ZNF804B: variants seen among roughly 807,000 people sequenced by gnomAD.
ZNF804B encodes zinc finger 804B.
In ZNF804B, 80 loss-of-function variants were observed where a neutral mutation model predicts 101.4. The observed-to-expected ratio is 0.79, with a 90% CI of 0.66 to 0.95. The LOEUF (loss-of-function observed/expected upper bound fraction) is 0.95. Among genes scored for constraint, ZNF804B ranks in the 40% least tolerant of loss-of-function variants. ZNF804B has a pLI of 0.00. For synonymous variants in ZNF804B, 622 were observed against 558.8 expected (o/e 1.11, Z -1.59); for missense variants, 1,673 against 1,561.9 (o/e 1.07, Z -1.20).
chr7:89,291,531 A>G (rs997024648), intron 2 of ZNF804B, among the ~76,000 whole-genome samples: 1 of 152,184 alleles, frequency 6.6e-6, no homozygotes, highest in Non-Finnish European at 1.5e-5. Flanking sequence ...TTGATCAAAC[A>G]GAAGAAAGAA....
Position 89,337,594 on chromosome 7 carries a change from A to G in ZNF804B, c.*562A>G, listed in dbSNP as rs555825340. On this transcript the variant is annotated 3_prime_UTR_variant, in exon 4 of 4. Coordinates refer to ENST00000333190, the MANE Select transcript of ZNF804B (RefSeq NM_181646.5). ...CTGATTAATTTAGGTTGAAAATTAC[A>G]TTTTAATGAAAAACAATCTTTATAG... 6.6e-6 allele frequency among the ~76,000 whole-genome samples: 1 copy of G among 152,292 alleles called. No homozygotes were observed. The highest frequency in any genetic ancestry group is 2.4e-5 in the African/African-American group (1 of 41,588).
chr7:89,033,763 C>T (rs1554357453), intron 1 of ZNF804B, among the ~76,000 whole-genome samples: 1 of 151,578 alleles, frequency 6.6e-6, no homozygotes, highest in Non-Finnish European at 1.5e-5. Context: ...GTTCTAAAAA[C>T]TAATTAGGGT....
chr7:89,242,727 T>C (rs766650211), intron 2 of ZNF804B, among the ~76,000 whole-genome samples: 1 of 151,926 alleles, frequency 6.6e-6, no homozygotes, highest in Non-Finnish European at 1.5e-5. Context: ...GCATACTTTT[T>C]CCAAAGCATA....
intron 1 of ZNF804B, among the ~76,000 whole-genome samples, chr7:89,020,508 T>C (rs1788650119): frequency 6.6e-6 from 1 of 152,182 alleles, no homozygotes; most frequent in South Asian, 2.1e-4. Flanking sequence ...TATCTTTGAC[T>C]TCTGTCAATT....
intron 2 of ZNF804B, among the ~76,000 whole-genome samples, chr7:89,326,544 A>G (rs913136321): frequency 4.6e-5 from 7 of 152,088 alleles, no homozygotes; most frequent in Admixed American, 2.6e-4. Flanking sequence ...AGTTAAGAGG[A>G]TAATCTTTAA....
At chr7:88,921,350 A>G (rs961227801) in intron 1 of ZNF804B, among the ~76,000 whole-genome samples, 3 of 152,136 alleles carry the variant, frequency 2.0e-5, no homozygotes, top group African/African-American at 7.2e-5. Flanking sequence ...CTGGGACTCC[A>G]AAAGGAGCTC....
intron 1 of ZNF804B, among the ~76,000 whole-genome samples, chr7:89,139,260 A>G (rs942493366): frequency 6.6e-6 from 1 of 152,154 alleles, no homozygotes; most frequent in African/African-American, 2.4e-5. Context: ...TTATATCAGC[A>G]TTCAGTAAGT....
At chr7:89,119,911 T>G (rs183600133) in intron 1 of ZNF804B, among the ~76,000 whole-genome samples, 1 of 152,226 alleles carries the variant, frequency 6.6e-6, no homozygotes, top group African/African-American at 2.4e-5. Context: ...ATAGCAAGGT[T>G]TATTCCCAAG....
intron 2 of ZNF804B, among the ~76,000 whole-genome samples, chr7:89,297,998 T>C (rs1562940038): frequency 6.7e-6 from 1 of 148,192 alleles, no homozygotes; most frequent in Admixed American, 6.9e-5. Flanking sequence ...TTTTTTTTTT[T>C]AGTTCCTCTA....
At chr7:88,976,835 A>G (rs1046398017) in intron 1 of ZNF804B, among the ~76,000 whole-genome samples, 1 of 151,676 alleles carries the variant, frequency 6.6e-6, no homozygotes, top group African/African-American at 2.4e-5. Flanking sequence ...AAAAGCTTTC[A>G]GGTTTTTCCC....
At chr7:89,011,864 T>C (rs960999300) in intron 1 of ZNF804B, among the ~76,000 whole-genome samples, 3 of 152,136 alleles carry the variant, frequency 2.0e-5, no homozygotes, top group African/African-American at 7.2e-5. Context: ...ATCTGGATTA[T>C]GGTGGGCCTC....
chr7:89,284,823 G>T (rs529272901), intron 2 of ZNF804B, among the ~76,000 whole-genome samples: 250 of 151,746 alleles, frequency 1.6e-3, no homozygotes, highest in South Asian at 8.3e-3. Context: ...AAACATTTTT[G>T]ATTAAAAAAA....
chr7:89,016,082 A>G (rs370421639), intron 1 of ZNF804B, among the ~76,000 whole-genome samples: 113 of 152,226 alleles, frequency 7.4e-4, no homozygotes, highest in East Asian at 2.9e-3. Flanking sequence ...TTTCTCTGAT[A>G]GCCAGTGATG....
chr7:88,823,151 A>C (rs372514750), intron 1 of ZNF804B, among the ~76,000 whole-genome samples: 2 of 152,334 alleles, frequency 1.3e-5, no homozygotes. Context: ...CAGAGGTTGC[A>C]ATGAGCCAAG....
chr7:89,067,481 T>C (rs1344609419), intron 1 of ZNF804B, among the ~76,000 whole-genome samples: 3 of 152,150 alleles, frequency 2.0e-5, no homozygotes, highest in Non-Finnish European at 4.4e-5. Context: ...GGCAGAGGTG[T>C]ATGCATGCTA....
intron 1 of ZNF804B, among the ~76,000 whole-genome samples, chr7:89,040,865 G>C (rs999945036): frequency 9.9e-5 from 15 of 152,118 alleles, no homozygotes; most frequent in Non-Finnish European, 1.2e-4. Context: ...CCTAGAGCCT[G>C]AGACTGTGGA....
At chr7:88,837,821 T>C (rs919737626) in intron 1 of ZNF804B, among the ~76,000 whole-genome samples, 1 of 151,852 alleles carries the variant, frequency 6.6e-6, no homozygotes, top group Non-Finnish European at 1.5e-5. Context: ...AGAATTTAGC[T>C]GACTTTCGAT....
chr7:89,156,056 CTTTCTTTCTTTCTT>C (rs1562899732), intron 1 of ZNF804B, among the ~76,000 whole-genome samples: 2 of 77,216 alleles, frequency 2.6e-5, no homozygotes, highest in Non-Finnish European at 6.2e-5. Context: ...TTCTTTCTTT[CTTTCTTTCTTTCTT>C]TCTCTCTTTC....
At position 89,125,770 on chromosome 7, in the gene ZNF804B, C is replaced by A. The variant is rs139071432; in HGVS notation, c.109-92385C>A. Reference sequence around the variant, plus strand: ...TATGCCTCCTTTGTTCAAGTGACTGCAACTAACTGCAAATTTTAGAGGTCC... The same window carrying A: ...TATGCCTCCTTTGTTCAAGTGACTGAAACTAACTGCAAATTTTAGAGGTCC... On this transcript the variant is annotated intron_variant, in intron 1 of 3. Transcript: ENST00000333190. Among the ~76,000 whole-genome samples the A allele has an allele frequency of 3.9e-5, 6 of 152,074 alleles. No homozygotes were observed. In the East Asian group the frequency reaches 1.2e-3, roughly 29 times the overall value.
Sources: allele counts gnomAD v4.1 joint callset (sites outside exome capture counted in the v4.1 genomes callset), GRCh38; gene constraint gnomAD v4.1.1; transcripts MANE v1.5; gene names NCBI Gene and HGNC (gene_info 2026-07-23, HGNC 2026-07-21).